GINM1: variants seen among roughly 807,000 people sequenced by gnomAD.
GINM1 encodes glycoprotein integral membrane protein 1.
A neutral mutation model predicts 37.8 loss-of-function variants in GINM1; 29 were observed. That is an observed-to-expected ratio of 0.77 (90% CI 0.57 to 1.05). GINM1 has a LOEUF of 1.05. GINM1 is among the 50% of genes least tolerant of loss of function. The probability of loss-of-function intolerance (pLI) is 0.00; values close to 1 mark genes in which losing one functional copy is unlikely to be tolerated. For missense variants in GINM1, 377 were observed against 397.9 expected (o/e 0.95, Z 0.45); for synonymous variants, 143 against 146.2 (o/e 0.98, Z 0.16).
intron 3 of GINM1, 77 bp downstream of exon 3, chr6:149,572,680 T>C: frequency 2.1e-6 from 2 of 938,088 alleles, no homozygotes; most frequent in South Asian, 2.7e-5. Flanking sequence ...TGTTTGTTTT[T>C]TGAGACAGTC....
At chr6:149,585,204 G>A (rs1198948286) in intron 7 of GINM1, among the ~76,000 whole-genome samples, 7 of 152,042 alleles carry the variant, frequency 4.6e-5, no homozygotes, top group Non-Finnish European at 8.8e-5. Flanking sequence ...TTCTCTGCAG[G>A]AACAGATGCA....
chr6:149,575,649 G>A (rs1301754130), intron 3 of GINM1, among the ~76,000 whole-genome samples: 1 of 152,234 alleles, frequency 6.6e-6, no homozygotes, highest in East Asian at 1.9e-4. Context: ...TGTAGGTTTT[G>A]TGTGTATGTG....
At chr6:149,582,181 A>G in intron 6 of GINM1, 1 of 553,460 alleles carries the variant, frequency 1.8e-6, no homozygotes, top group Non-Finnish European at 3.5e-6. Flanking sequence ...ATAATTTTAC[A>G]GGCTATTAAC....
At chr6:149,581,266 C>T (rs1322817646) in intron 6 of GINM1, among the ~76,000 whole-genome samples, 1 of 152,112 alleles carries the variant, frequency 6.6e-6, no homozygotes, top group Non-Finnish European at 1.5e-5. Flanking sequence ...TCAAGTGATT[C>T]TCCCACCTCA....
rs1471638281 is a variant in GINM1, at chr6:149,566,656, A to C, written c.120+122A>C. 1 of 1,296,708 alleles carries C rather than the reference A, an allele frequency of 7.7e-7. No individual in the cohort carries two copies. Among genetic ancestry groups the C allele is most frequent in the Admixed American group, 3.4e-5 (1 of 29,504 alleles). 80.3% of individuals were successfully genotyped at this position (1,296,708 alleles called of 1,614,324 possible). On this transcript the variant is annotated intron_variant, in intron 1 of 7. Coordinates refer to ENST00000367419, the MANE Select transcript of GINM1 (RefSeq NM_138785.5). The surrounding 1 kb of genome is among the most constrained non-coding windows in gnomAD (Gnocchi z 4.4). ...CAGGGGCGGGGGTCCGGGCCCCCGA[A>C]GGAGGTGTGGGGAGAAGCACCCCAG...
intron 1 of GINM1, among the ~76,000 whole-genome samples, chr6:149,571,062 T>C (rs939412494): frequency 3.3e-5 from 5 of 152,116 alleles, no homozygotes; most frequent in Admixed American, 2.0e-4. Context: ...ACGCCTGTAA[T>C]CCCAGCACTT....
chr6:149,580,378 A>G (rs975532772), intron 5 of GINM1, among the ~76,000 whole-genome samples: 3 of 152,208 alleles, frequency 2.0e-5, no homozygotes, highest in Non-Finnish European at 4.4e-5. Flanking sequence ...TTGGCTTTCT[A>G]TGTGACAGAA....
Position 149,590,699 on chromosome 6 carries a change from G to A in GINM1, c.882-28G>A, listed in dbSNP as rs747176832. 82 of 1,131,840 alleles carry A rather than the reference G, an allele frequency of 7.2e-5. 3 individuals are homozygous for A. The Middle Eastern group carries it at 5.7e-3, about 79-fold the overall frequency. 70.1% of individuals were successfully genotyped at this position (1,131,840 alleles called of 1,614,324 possible). On this transcript the variant is annotated intron_variant, in intron 7 of 7. Coordinates refer to ENST00000367419, the MANE Select transcript of GINM1 (RefSeq NM_138785.5). ...ACAGGCAGAGGAAACATTTAATTTT[G>A]ATAGTAATTAATCACTTTCTATTTC...
chr6:149,574,568 T>G (rs1459464373), intron 3 of GINM1, among the ~76,000 whole-genome samples: 1 of 152,224 alleles, frequency 6.6e-6, no homozygotes, highest in African/African-American at 2.4e-5. Context: ...TTTACTATTC[T>G]TTTAGTGGTT....
At chr6:149,583,230 C>T (rs531801402) in intron 7 of GINM1, among the ~76,000 whole-genome samples, 39 of 151,994 alleles carry the variant, frequency 2.6e-4, no homozygotes, top group African/African-American at 8.4e-4. Flanking sequence ...TTTGGGAGGC[C>T]GAGGCGGGCA....
At chr6:149,582,322 C>T (rs1450684880) in intron 6 of GINM1, 118 bp from the exon 7 acceptor site, 46 of 856,238 alleles carry the variant, frequency 5.4e-5, no homozygotes, top group South Asian at 1.1e-4. Context: ...CATGTAACTA[C>T]CAGCACAATC....
chr6:149,586,482 A>C (rs1466493374), intron 7 of GINM1, among the ~76,000 whole-genome samples: 1 of 152,130 alleles, frequency 6.6e-6, no homozygotes, highest in Non-Finnish European at 1.5e-5. Flanking sequence ...GAGGGGAAAA[A>C]CTTTCCAAAT....
Position 149,566,863 on chromosome 6 carries a change from C to T in GINM1, c.120+329C>T, listed in dbSNP as rs1056285090. ...GGTGATCAGGCCTTCGTAATGGCGC[C>T]TTCCCGGGGTAGAGCCAGCGCTTGG... On this transcript the variant is annotated intron_variant, in intron 1 of 7. Transcript: ENST00000367419. The surrounding 1 kb of genome is among the most constrained non-coding windows in gnomAD (Gnocchi z 4.4). Among the ~76,000 whole-genome samples, 8 of 152,252 alleles carry T rather than the reference C, an allele frequency of 5.3e-5. No individual in the cohort carries two copies. Among genetic ancestry groups the T allele is most frequent in the African/African-American group, 1.9e-4 (8 of 41,476 alleles).
intron 7 of GINM1, among the ~76,000 whole-genome samples, chr6:149,585,901 T>C (rs1426630039): frequency 1.3e-5 from 2 of 152,200 alleles, no homozygotes; most frequent in African/African-American, 4.8e-5. Flanking sequence ...AATTTTGTTC[T>C]TAAATTACTA....
chr6:149,571,229 C>A (rs1319278109), intron 1 of GINM1, among the ~76,000 whole-genome samples: 1 of 151,220 alleles, frequency 6.6e-6, no homozygotes, highest in East Asian at 1.9e-4. Flanking sequence ...GCAGGAGAAT[C>A]ACTTGAACCC....
At chr6:149,577,819 T>C (rs1777937189) in intron 3 of GINM1, among the ~76,000 whole-genome samples, 1 of 152,130 alleles carries the variant, frequency 6.6e-6, no homozygotes, top group South Asian at 2.1e-4. Flanking sequence ...TGTATGTTGT[T>C]TTATCTTTTT....
intron 5 of GINM1, 49 bp from the exon 6 acceptor site, chr6:149,580,544 T>C (rs772990504): frequency 6.4e-7 from 1 of 1,553,328 alleles, no homozygotes; most frequent in Non-Finnish European, 8.7e-7. Context: ...TTAGGACTAG[T>C]AGGATAAGAC....
At chr6:149,574,100 G>C (rs1777873606) in intron 3 of GINM1, among the ~76,000 whole-genome samples, 1 of 147,026 alleles carries the variant, frequency 6.8e-6, no homozygotes, top group Non-Finnish European at 1.5e-5. Context: ...GTCCAGGCTG[G>C]AATGCAGTGG....
At chr6:149,586,599 T>C (rs1203234052) in intron 7 of GINM1, among the ~76,000 whole-genome samples, 4 of 152,182 alleles carry the variant, frequency 2.6e-5, no homozygotes, top group Non-Finnish European at 5.9e-5. Flanking sequence ...ACATGAAGTC[T>C]CTTGAAAATT....
Sources: gnomAD v4.1 joint callset for allele counts (sites outside exome capture counted in the v4.1 genomes callset) on GRCh38, gnomAD v4.1.1 for gene constraint, Gnocchi (gnomAD v3.1) non-coding constraint, MANE v1.5 for transcripts, NCBI Gene and HGNC (gene_info 2026-07-23, HGNC 2026-07-21) for gene names.